Variants in TP63 observed in about 807,000 individuals in gnomAD.
TP63 encodes tumor protein p63, also known as tumor protein 63.
In TP63, 17 loss-of-function variants were observed where a neutral mutation model predicts 82.8. That is an observed-to-expected ratio of 0.21 (90% CI 0.14 to 0.31). The LOEUF (loss-of-function observed/expected upper bound fraction) is 0.31. Ranked by LOEUF, TP63 falls within the 10% of genes least tolerant of loss-of-function variation. TP63 has a pLI of 1.00. For missense variants in TP63, 648 were observed against 895.3 expected (o/e 0.72, Z 3.52); for synonymous variants, 330 against 321.7 (o/e 1.03, Z -0.28).
At chr3:189,672,066 A>C (rs911158343) in intron 1 of TP63, among the ~76,000 whole-genome samples, 3 of 152,132 alleles carry the variant, frequency 2.0e-5, no homozygotes, top group African/African-American at 7.2e-5. Flanking sequence ...AACACAAAGA[A>C]ATGATAAATG....
intron 1 of TP63, among the ~76,000 whole-genome samples, chr3:189,704,977 A>C (rs1200577136): frequency 6.6e-6 from 1 of 152,248 alleles, no homozygotes; most frequent in African/African-American, 2.4e-5. Flanking sequence ...TTAAAATCAC[A>C]GAAACCTAGT....
intron 1 of TP63, among the ~76,000 whole-genome samples, chr3:189,698,378 A>G (rs916071788): frequency 1.3e-5 from 2 of 152,236 alleles, no homozygotes; most frequent in Admixed American, 6.5e-5. Flanking sequence ...ATAATTACTC[A>G]TTTACTCCTT....
At chr3:189,859,624 CT>C (rs1300572789) in intron 4 of TP63, among the ~76,000 whole-genome samples, 1 of 152,148 alleles carries the variant, frequency 6.6e-6, no homozygotes, top group Admixed American at 6.5e-5. Flanking sequence ...GGCACAACCA[CT>C]TTGTAAAACT....
At chr3:189,633,235 C>A (rs1729570965) in intron 1 of TP63, among the ~76,000 whole-genome samples, 1 of 151,308 alleles carries the variant, frequency 6.6e-6, no homozygotes, top group Non-Finnish European at 1.5e-5. Context: ...TTTTTTTTAA[C>A]CTTTATTTTA....
chr3:189,658,081 A>G (rs1713547390), intron 1 of TP63, among the ~76,000 whole-genome samples: 1 of 152,074 alleles, frequency 6.6e-6, no homozygotes, highest in Non-Finnish European at 1.5e-5. Context: ...CAAAAAGTAA[A>G]GCGTTTCTAA....
chr3:189,727,027 C>G (rs1265986587), intron 1 of TP63, among the ~76,000 whole-genome samples: 1 of 152,142 alleles, frequency 6.6e-6, no homozygotes, highest in Non-Finnish European at 1.5e-5. Flanking sequence ...AAGACTTTAC[C>G]TAGAAAAACA....
rs1383931117 is a variant in TP63, at chr3:189,689,098, C to CTTTTTTTTTTTT, written c.63-48637_63-48636insTTTTTTTTTTTT. On this transcript the variant is annotated intron_variant, in intron 1 of 13. Coordinates refer to ENST00000264731, the MANE Select transcript of TP63 (RefSeq NM_003722.5). ...CAGAGTGGCCAGCATTCAAATCTAC[C>CTTTTTTTTTTTT]TTTTTCTTTTTTTTTTTTTTTTTTT... is the stretch of plus-strand genomic sequence containing the variant. 1.6e-3 allele frequency among the ~76,000 whole-genome samples: 137 copies of CTTTTTTTTTTTT among 85,156 alleles called. 44 individuals carry two copies. The highest frequency in any genetic ancestry group is 2.3e-3 in the Non-Finnish European group (106 of 46,820). The allele number at this position is 85,156 out of a possible 152,430, so 55.9% of individuals were successfully genotyped here.
intron 3 of TP63, among the ~76,000 whole-genome samples, chr3:189,775,220 CAAAAAAAAAAAAAA>C (rs56288032): frequency 2.1e-5 from 2 of 93,062 alleles, no homozygotes; most frequent in Non-Finnish European, 4.1e-5. Flanking sequence ...AACTCTGTCT[CAAAAAAAAAAAAAA>C]AAAAAAAAGA....
rs1718862898 is a variant in TP63 at position 189,715,086 on chromosome 3, T to C, written c.63-22654T>C. ...TCCAGATGTGGCCCTAAAATTACCA[T>C]CTGACCCTTCACTTGCCCTCGTTTC... On this transcript the variant is annotated intron_variant, in intron 1 of 13. Coordinates refer to ENST00000264731, the MANE Select transcript of TP63 (RefSeq NM_003722.5). 3.3e-5 allele frequency among the ~76,000 whole-genome samples: 5 copies of C among 152,116 alleles called. No individual in the cohort carries two copies. The South Asian group carries it at 1.0e-3, about 32-fold the overall frequency.
chr3:189,609,475 A>G, the TP63 span, among the ~76,000 whole-genome samples: 3 of 152,016 alleles, frequency 2.0e-5, no homozygotes, highest in Admixed American at 6.6e-5. Flanking sequence ...GTTGTTGTAC[A>G]TATTATTTCA....
At chr3:189,710,191 C>T (rs1006061000) in intron 1 of TP63, among the ~76,000 whole-genome samples, 6 of 151,948 alleles carry the variant, frequency 3.9e-5, no homozygotes, top group Admixed American at 6.6e-5. Context: ...TCACTGTGTC[C>T]CTTGTAAGTA....
chr3:189,777,839 C>CTT (rs1723922139), intron 3 of TP63, among the ~76,000 whole-genome samples: 2 of 80,420 alleles, frequency 2.5e-5, no homozygotes, highest in African/African-American at 5.3e-5. Context: ...TCTTCTTCTT[C>CTT]TTCTTCTTTT....
intron 3 of TP63, among the ~76,000 whole-genome samples, chr3:189,770,408 T>C (rs1002832050): frequency 1.3e-5 from 2 of 151,832 alleles, no homozygotes; most frequent in Admixed American, 1.3e-4. Context: ...CTACTAAAAA[T>C]ACAAAAATTA....
chr3:189,735,868 A>T (rs924099437), intron 1 of TP63, among the ~76,000 whole-genome samples: 1 of 152,126 alleles, frequency 6.6e-6, no homozygotes, highest in Non-Finnish European at 1.5e-5. Flanking sequence ...CCCACATTCG[A>T]ATAAGTACAA....
intron 4 of TP63, among the ~76,000 whole-genome samples, chr3:189,827,416 C>T (rs1485530887): frequency 6.6e-6 from 1 of 152,142 alleles, no homozygotes; most frequent in African/African-American, 2.4e-5. Flanking sequence ...TTTGACCTTT[C>T]ATCTCTGGGT....
rs1033329267 is a variant in TP63, at chr3:189,867,911, A to G, written c.961A>G (p.Ile321Val). The change falls in exon 7 of 14, where the codon ATT (isoleucine) becomes GTT (valine). Residue 321 changes from isoleucine (I) to valine (V), a missense_variant. Coordinates refer to ENST00000264731, the MANE Select transcript of TP63 (RefSeq NM_003722.5). ...SCVGGMNRRP[I>V]LIIVTLETRD... ...TGTTGGAGGGATGAACCGCCGTCCA[A>G]TTTTAATCATTGTTACTCTGGAAAC... is the stretch of plus-strand genomic sequence containing the variant. The G allele has an allele frequency of 3.1e-6, 5 of 1,613,928 alleles. No homozygotes were observed. The highest frequency in any genetic ancestry group is 1.3e-5 in the African/African-American group (1 of 74,918).
At chr3:189,740,602 C>A (rs200351339) in intron 3 of TP63, among the ~76,000 whole-genome samples, 1 of 151,870 alleles carries the variant, frequency 6.6e-6, no homozygotes, top group Non-Finnish European at 1.5e-5. Flanking sequence ...TGGGTTCAAG[C>A]GATTCTCCTG....
chr3:189,758,508 C>A lies in TP63; in HGVS notation c.324+19734C>A, dbSNP rs1722350335. 1.3e-5 allele frequency among the ~76,000 whole-genome samples: 2 copies of A among 152,232 alleles called. 1 individual carries two copies. The highest frequency in any genetic ancestry group is 4.1e-4 in the South Asian group (2 of 4,830). Reference sequence around the variant, plus strand: ...ATGCAAGACTCCAGAAGTACACCAACATATAAAACCCTAAGTCAAAGGTCA... The same window carrying A: ...ATGCAAGACTCCAGAAGTACACCAAAATATAAAACCCTAAGTCAAAGGTCA... On this transcript the variant is annotated intron_variant, in intron 3 of 13. Transcript: ENST00000264731.
chr3:189,891,256 C>T (rs550076762), intron 13 of TP63, among the ~76,000 whole-genome samples: 8 of 152,288 alleles, frequency 5.3e-5, no homozygotes, highest in Admixed American at 1.3e-4. Flanking sequence ...AGCAGGGCAC[C>T]GGTGGTGCTA....
Sources: gnomAD v4.1 joint callset for allele counts (sites outside exome capture counted in the v4.1 genomes callset) on GRCh38, gnomAD v4.1.1 for gene constraint, MANE v1.5 for transcripts, NCBI Gene and HGNC (gene_info 2026-07-23, HGNC 2026-07-21) for gene names.